The following LTN1 variants were observed in gnomAD, a reference collection of about 807,000 sequenced individuals.
LTN1 encodes E3 ubiquitin-protein ligase listerin.
Under a neutral mutation model 201.2 loss-of-function variants are expected in LTN1, and 88 were observed. The observed-to-expected ratio is 0.44, with a 90% CI of 0.37 to 0.52. LTN1 has a LOEUF of 0.52. Among genes scored for constraint, LTN1 ranks in the 20% least tolerant of loss-of-function variants. The pLI, the probability that LTN1 is intolerant of heterozygous loss-of-function variation, is 0.00. For missense variants in LTN1, 1,752 were observed against 2,038.7 expected (o/e 0.86, Z 2.71); for synonymous variants, 645 against 713.5 (o/e 0.90, Z 1.53).
intron 6 of LTN1, among the ~76,000 whole-genome samples, chr21:28,975,308 T>C (rs1317500077): frequency 6.6e-6 from 1 of 152,050 alleles, no homozygotes; most frequent in Non-Finnish European, 1.5e-5. Flanking sequence ...ATAAAAAATA[T>C]ATGAAATAAA....
At chr21:28,980,074 T>TG (rs984486033) in intron 6 of LTN1, among the ~76,000 whole-genome samples, 3 of 152,134 alleles carry the variant, frequency 2.0e-5, no homozygotes, top group Non-Finnish European at 4.4e-5. Context: ...CAGCTGAGGT[T>TG]GAACAAGGCG....
At chr21:28,964,891 G>T in intron 11 of LTN1, 6 of 1,299,732 alleles carry the variant, frequency 4.6e-6, no homozygotes, top group Non-Finnish European at 6.0e-6. Context: ...TACAGGGAGA[G>T]AAGGCACTAG....
chr21:28,971,491 A>T, intron 6 of LTN1, 47 bp from the exon 7 acceptor site: 1 of 1,558,964 alleles, frequency 6.4e-7, no homozygotes, highest in African/African-American at 1.4e-5. Flanking sequence ...GTAAAACTTG[A>T]TAAGATTTTT....
At chr21:28,958,346 G>T (rs1224725622) in intron 14 of LTN1, 40 bp downstream of exon 14, 1 of 1,571,006 alleles carries the variant, frequency 6.4e-7, no homozygotes, top group Non-Finnish European at 8.6e-7. Context: ...CACTGTTCAA[G>T]TATAAAAGAG....
chr21:28,989,054 T>C (rs1457221469), intron 1 of LTN1, among the ~76,000 whole-genome samples: 2 of 152,080 alleles, frequency 1.3e-5, no homozygotes, highest in African/African-American at 4.8e-5. Flanking sequence ...AATGAATTAA[T>C]ATTAATTATT....
At chr21:28,953,168 T>A (rs376124316) in intron 17 of LTN1, 49 bp downstream of exon 17, 76 of 1,414,282 alleles carry the variant, frequency 5.4e-5, no homozygotes, top group Non-Finnish European at 6.6e-5. Context: ...GGCAAAGCCA[T>A]AAAGAAGTAG....
At chr21:28,937,347 C>T (rs2084264628) in intron 25 of LTN1, among the ~76,000 whole-genome samples, 1 of 152,112 alleles carries the variant, frequency 6.6e-6, no homozygotes, top group African/African-American at 2.4e-5. Context: ...CACATATCTC[C>T]TCACAGTACA....
chr21:28,945,896 A>T lies in LTN1; in HGVS notation c.3679T>A (p.Phe1227Ile). The change falls in exon 21 of 30, where the codon TTT becomes ATT. Residue 1227 changes from phenylalanine (F) to isoleucine (I), a missense_variant. By Grantham distance (21) the Phe-to-Ile change is conservative (BLOSUM62 0). Around this residue, in one of 3 missense-constraint regions of LTN1, gnomAD observed 1,211 missense variants for 1,312.8 expected, o/e 0.92. Transcript: ENST00000361371. ...CAGTATTTCAGAAATAGGGAAAGAA[A>T]CCGGATTATTTCTATATTTACACCC... The part of the protein sequence containing the change: ...VLGVNIEIIR[F>I]LSLFLKYCSS... The T allele has an allele frequency of 6.2e-7, 1 of 1,613,582 alleles. No homozygotes were observed. The highest frequency in any genetic ancestry group is 8.5e-7 in the Non-Finnish European group (1 of 1,179,590).
rs1568860760 is a variant in LTN1 at position 28,988,156 on chromosome 21, AC to A, written c.43-1223del. On this transcript the variant is annotated intron_variant, in intron 1 of 29. Transcript: ENST00000361371. ...GACTCTGTCTCAAAAAAAAAAAAAA[AC>A]AACAAAAAAAAACAAATTGCTCATA... Among the ~76,000 whole-genome samples the A allele has an allele frequency of 8.2e-4, 83 of 101,542 alleles. 4 individuals are homozygous for A. The highest frequency in any genetic ancestry group is 0.016 in the Middle Eastern group (2 of 128). The allele number at this position is 101,542 out of a possible 152,430, so 66.6% of individuals were successfully genotyped here. A position where few individuals can be genotyped will look rare whatever the true frequency, so the allele number is the denominator to read the frequency against.
At chr21:28,969,629 T>A in intron 8 of LTN1, 28 bp from the exon 9 acceptor site, 1 of 1,537,410 alleles carries the variant, frequency 6.5e-7, no homozygotes, top group Non-Finnish European at 8.7e-7. Flanking sequence ...ACTGGATTAC[T>A]CTTTCATGAA....
At chr21:28,959,806 G>A in intron 12 of LTN1, 109 bp from the exon 13 acceptor site, 5 of 953,044 alleles carry the variant, frequency 5.2e-6, no homozygotes, top group Non-Finnish European at 7.5e-6. Flanking sequence ...ATTTTAAAAT[G>A]TATTAGACAA....
chr21:28,965,865 C>T lies in LTN1; in HGVS notation c.2163G>A (p.Lys721=). ...AAAGAAAAAAAAATCCCTAAGATAC[C>T]TTTTCAATAATCTTAAGAAGAGAAT... ...KWNSLLKIIE[K]ACPSSDKHAL... The change falls in exon 11 of 30, where the codon AAG becomes AAA. Residue 721 remains lysine, a splice_region_variant and synonymous_variant. Coordinates refer to ENST00000361371, the MANE Select transcript of LTN1 (RefSeq NM_015565.3). 6.8e-7 allele frequency: 1 copy of T among 1,462,786 alleles called. No individual in the cohort carries two copies. Among genetic ancestry groups the T allele is most frequent in the Non-Finnish European group, 9.4e-7 (1 of 1,067,012 alleles). 90.6% of individuals were successfully genotyped at this position (1,462,786 alleles called of 1,614,324 possible). A position where few individuals can be genotyped will look rare whatever the true frequency, so the allele number is the denominator to read the frequency against.
rs80172742 is a variant in LTN1, at chr21:28,932,630, G to C, written c.4910C>G (p.Ala1637Gly). 6.2e-7 allele frequency: 1 copy of C among 1,612,986 alleles called. No homozygotes were observed. Among genetic ancestry groups the C allele is most frequent in the Non-Finnish European group, 8.5e-7 (1 of 1,179,508 alleles). The change falls in exon 28 of 30, where the codon GCT (alanine) becomes GGT (glycine). Residue 1637 changes from alanine (A) to glycine (G), a missense_variant. This residue lies in a region of LTN1 where 261 missense variants were observed against 350.1 expected (regional missense o/e 0.75). Transcript: ENST00000361371. ...KARATTREVMATYTIEDIVIE... is the reference protein window; with the variant it reads ...KARATTREVMGTYTIEDIVIE... ...AACTATGTCCTCAATAGTATAAGTA[G>C]CCATTACCTCTCGAGTAGTAGCTCG...
In LTN1 at chr21:28,935,151, T is replaced by C; in HGVS notation, c.4833A>G (p.Ile1611Met). ...GTTGTGTACTTGTTTGTACAGAAGA[T>C]ATTTCTTGAAAAGAAAGAACACTGC... is the stretch of plus-strand genomic sequence containing the variant. ...YVSSVLSFQEISSVQTSTQLF... is the reference protein window; with the variant it reads ...YVSSVLSFQEMSSVQTSTQLF... Residue 1611 changes from isoleucine to methionine, a missense_variant, in exon 27 of 30, where the codon ATA becomes ATG. This residue lies in a region of LTN1 where 261 missense variants were observed against 350.1 expected (regional missense o/e 0.75). Transcript: ENST00000361371. 6.2e-7 allele frequency: 1 copy of C among 1,613,132 alleles called. No individual in the cohort carries two copies. The highest frequency in any genetic ancestry group is 8.5e-7 in the Non-Finnish European group (1 of 1,179,146).
chr21:28,964,688 G>A, intron 11 of LTN1: 2 of 1,550,464 alleles, frequency 1.3e-6, no homozygotes, highest in Non-Finnish European at 1.7e-6. Context: ...ACACTGGCTA[G>A]GAACTTCCAA....
chr21:28,934,670 T>A (rs1313597758), intron 27 of LTN1, among the ~76,000 whole-genome samples: 1 of 152,182 alleles, frequency 6.6e-6, no homozygotes, highest in African/African-American at 2.4e-5. Flanking sequence ...TTGCCCAGGC[T>A]GGTTTCAAAT....
intron 11 of LTN1, chr21:28,964,555 T>C (rs1010482713): frequency 2.9e-5 from 43 of 1,490,540 alleles, no homozygotes; most frequent in Non-Finnish European, 3.5e-5. Flanking sequence ...GCTTTATTGC[T>C]GTGGTGTGGA....
intron 16 of LTN1, among the ~76,000 whole-genome samples, chr21:28,955,725 C>A (rs558936639): frequency 2.0e-5 from 3 of 151,948 alleles, no homozygotes; most frequent in African/African-American, 7.2e-5. Flanking sequence ...GAGTTCAAGA[C>A]CAGCCTGGCC....
At chr21:28,940,830 G>C (rs548168324) in intron 25 of LTN1, among the ~76,000 whole-genome samples, 4 of 152,204 alleles carry the variant, frequency 2.6e-5, no homozygotes, top group Non-Finnish European at 5.9e-5. Context: ...GCTCATGCCT[G>C]TAATCCCAGC....
Sources: gnomAD v4.1 joint callset for allele counts (sites outside exome capture counted in the v4.1 genomes callset) on GRCh38, gnomAD v4.1.1 for gene constraint, gnomAD v4.1.1 regional missense constraint, MANE v1.5 for transcripts, NCBI Gene and HGNC (gene_info 2026-07-23, HGNC 2026-07-21) for gene names.